GPR137B: variants seen among roughly 807,000 people sequenced by gnomAD.
The protein encoded by GPR137B is integral membrane protein GPR137B.
In GPR137B, 42 loss-of-function variants were observed where a neutral mutation model predicts 42.5. The ratio of observed to expected loss-of-function variants is 0.99; its 90% confidence interval spans 0.77 to 1.28. The LOEUF is 1.28. GPR137B is among the 50% of genes most tolerant of loss of function. The pLI, the probability that GPR137B is intolerant of heterozygous loss-of-function variation, is 0.00. For synonymous variants in GPR137B, 218 were observed against 209.7 expected, an observed-to-expected ratio of 1.04 and a Z score of -0.34; for missense variants, 487 against 493.9, an observed-to-expected ratio of 0.99 and a Z score of 0.13.
At chr1:236,143,062 G>T in intron 1 of GPR137B, 26 bp downstream of exon 1, 1 of 1,576,694 alleles carries the variant, frequency 6.3e-7, no homozygotes, top group South Asian at 1.2e-5. Flanking sequence ...GCTCCTGGAG[G>T]CGCTCACCTG....
intron 1 of GPR137B, among the ~76,000 whole-genome samples, chr1:236,165,686 G>C (rs1662330381): frequency 6.6e-6 from 1 of 152,214 alleles, no homozygotes; most frequent in African/African-American, 2.4e-5. Flanking sequence ...TAGGAAGACT[G>C]TAATTGGTCA....
chr1:236,142,802 C>T lies in GPR137B; in HGVS notation c.180C>T (p.Ile60=). ...TCTACGCGCTGCTCTTCGTGTTCAT[C>T]TACGTGCAGCTCTGGCTGGTGCTGC... ...TVFYALLFVF[I]YVQLWLVLRY... Residue 60 remains isoleucine (I), a synonymous_variant, in exon 1 of 7, where the codon ATC becomes ATT. Transcript: ENST00000366592. 1 of 1,614,028 alleles carries T rather than the reference C, an allele frequency of 6.2e-7. No individual in the cohort carries two copies. The highest frequency in any genetic ancestry group is 8.5e-7 in the Non-Finnish European group (1 of 1,179,932).
intron 1 of GPR137B, among the ~76,000 whole-genome samples, chr1:236,154,328 C>T (rs1261918380): frequency 6.6e-6 from 1 of 152,162 alleles, no homozygotes; most frequent in Non-Finnish European, 1.5e-5. Context: ...CACGCGTCAT[C>T]CGTCCCCCGA....
At chr1:236,186,976 A>G (rs1325505175) in intron 5 of GPR137B, among the ~76,000 whole-genome samples, 1 of 152,206 alleles carries the variant, frequency 6.6e-6, no homozygotes, top group African/African-American at 2.4e-5. Flanking sequence ...ACAGTGTAAA[A>G]GCGTTCCTGT....
intron 5 of GPR137B, among the ~76,000 whole-genome samples, chr1:236,202,067 G>A (rs1424176914): frequency 1.3e-5 from 2 of 151,944 alleles, no homozygotes; most frequent in Non-Finnish European, 2.9e-5. Flanking sequence ...CTGGTGCTGG[G>A]GAATGTCTGC....
intron 1 of GPR137B, among the ~76,000 whole-genome samples, chr1:236,145,101 C>G (rs1443946042): frequency 1.3e-5 from 2 of 152,222 alleles, no homozygotes; most frequent in Admixed American, 6.5e-5. Context: ...GGGTGGCTGG[C>G]TGGAGAAGGT....
In GPR137B at chr1:236,207,929, A is replaced by T. The variant is rs994227291; in HGVS notation, c.1092-121A>T. 8.8e-6 allele frequency: 6 copies of T among 682,446 alleles called. No individual in the cohort carries two copies. In the African/African-American group the frequency reaches 9.0e-5, roughly 10 times the overall value. 42.3% of individuals were successfully genotyped at this position (682,446 alleles called of 1,614,324 possible). A position where few individuals can be genotyped will look rare whatever the true frequency, so the allele number is the denominator to read the frequency against. The stretch of plus-strand genomic sequence containing the variant: ...GGAAAATGGACTTTAAGAGCCATTT[A>T]AAAGAACTTTAGAGTTATCTATAGT... On this transcript the variant is annotated intron_variant, in intron 6 of 6. Coordinates refer to ENST00000366592, the MANE Select transcript of GPR137B (RefSeq NM_003272.4).
chr1:236,189,874 T>C (rs992985093), intron 5 of GPR137B, among the ~76,000 whole-genome samples: 1 of 152,156 alleles, frequency 6.6e-6, no homozygotes, highest in African/African-American at 2.4e-5. Flanking sequence ...TCCATGTTAA[T>C]TACATGTCTC....
At chr1:236,170,497 C>G (rs1055272088) in intron 2 of GPR137B, among the ~76,000 whole-genome samples, 3 of 152,082 alleles carry the variant, frequency 2.0e-5, no homozygotes, top group Non-Finnish European at 4.4e-5. Context: ...CTTGCTGTCT[C>G]CCTTCACTGC....
chr1:236,186,465 C>G (rs1210645721), intron 5 of GPR137B, among the ~76,000 whole-genome samples: 1 of 146,896 alleles, frequency 6.8e-6, no homozygotes, highest in Non-Finnish European at 1.5e-5. Context: ...TGAGGTATTT[C>G]TCCTAATGCT....
intron 5 of GPR137B, among the ~76,000 whole-genome samples, chr1:236,202,824 A>G (rs1663532152): frequency 6.6e-6 from 1 of 152,202 alleles, no homozygotes; most frequent in African/African-American, 2.4e-5. Context: ...GTTTTCTTGT[A>G]GTAGTTTCAC....
chr1:236,155,920 G>A lies in GPR137B; in HGVS notation c.415-12786G>A, dbSNP rs778935480. Among the ~76,000 whole-genome samples the A allele has an allele frequency of 7.9e-5, 12 of 152,212 alleles. No individual in the cohort carries two copies. Among genetic ancestry groups the A allele is most frequent in the Non-Finnish European group, 1.6e-4 (11 of 68,028 alleles). ...TGGGTGGGAGCTGAGCTCCTGCCTT[G>A]TGGGGTGCACATGCACAAACATGCA... is the stretch of plus-strand genomic sequence containing the variant. On this transcript the variant is annotated intron_variant, in intron 1 of 6. Transcript: ENST00000366592. The surrounding 1 kb of genome is among the most constrained non-coding windows in gnomAD (Gnocchi z 4.6).
At chr1:236,207,917 T>A in intron 6 of GPR137B, 133 bp from the exon 7 acceptor site, 2 of 644,158 alleles carry the variant, frequency 3.1e-6, no homozygotes, top group Non-Finnish European at 5.3e-6. Context: ...AAATGGACTT[T>A]AAGAGCCATT....
chr1:236,182,413 C>T (rs1662911480), intron 4 of GPR137B, among the ~76,000 whole-genome samples: 1 of 151,938 alleles, frequency 6.6e-6, no homozygotes, highest in South Asian at 2.1e-4. Context: ...GGAGGAGTGG[C>T]CATTCTTTCT....
intron 4 of GPR137B, among the ~76,000 whole-genome samples, chr1:236,183,535 C>T (rs894645178): frequency 1.3e-4 from 20 of 152,262 alleles, no homozygotes; most frequent in South Asian, 6.2e-4. Flanking sequence ...AAATCCGTAT[C>T]TGAGGTCTAG....
intron 1 of GPR137B, among the ~76,000 whole-genome samples, chr1:236,161,384 C>T (rs545722099): frequency 6.6e-6 from 1 of 152,182 alleles, no homozygotes; most frequent in East Asian, 1.9e-4. Context: ...CCTCACTGCT[C>T]CTAAGTCCAC....
chr1:236,166,618 C>G (rs1450013807), intron 1 of GPR137B, among the ~76,000 whole-genome samples: 2 of 150,402 alleles, frequency 1.3e-5, no homozygotes, highest in Non-Finnish European at 2.9e-5. Context: ...CCAAATAATT[C>G]TTCTAGAAGG....
Position 236,194,244 on chromosome 1 carries a change from A to AT in GPR137B, c.966+10339dup, listed in dbSNP as rs1402100275. On this transcript the variant is annotated intron_variant, in intron 5 of 6. Transcript: ENST00000366592. ...TAACCTCATCATAATTTTGAGAAGCATCTGTATTTGCCCCTGAAAACTTGC... is the reference window on the plus strand; with the variant it reads ...TAACCTCATCATAATTTTGAGAAGCATTCTGTATTTGCCCCTGAAAACTTGC... Among the ~76,000 whole-genome samples the AT allele has an allele frequency of 9.9e-5, 15 of 152,268 alleles. No individual in the cohort carries two copies. The Middle Eastern group carries it at 0.014, about 138-fold the overall frequency.
At chr1:236,170,220 C>T (rs1349112838) in intron 2 of GPR137B, among the ~76,000 whole-genome samples, 1 of 151,878 alleles carries the variant, frequency 6.6e-6, no homozygotes, top group Non-Finnish European at 1.5e-5. Flanking sequence ...GCCATTGCCT[C>T]CTTGGGTCAA....
Sources: allele counts gnomAD v4.1 joint callset (sites outside exome capture counted in the v4.1 genomes callset), GRCh38; gene constraint gnomAD v4.1.1; non-coding constraint Gnocchi (gnomAD v3.1); transcripts MANE v1.5; gene names NCBI Gene and HGNC (gene_info 2026-07-23, HGNC 2026-07-21).